Variants in MAP4K3 observed in about 807,000 individuals in gnomAD.
The protein encoded by MAP4K3 is MAPK/ERK kinase kinase kinase 3.
Under a neutral mutation model 143.5 loss-of-function variants are expected in MAP4K3, and 94 were observed. The observed-to-expected ratio is 0.65, with a 90% confidence interval of 0.55 to 0.78. MAP4K3 has a LOEUF of 0.78. MAP4K3 is among the 30% of genes least tolerant of loss of function. The pLI, the probability that MAP4K3 is intolerant of heterozygous loss-of-function variation, is 0.00. For synonymous variants in MAP4K3, 416 were observed against 347.2 expected, an observed-to-expected ratio of 1.20 and a Z score of -2.20; for missense variants, 1,077 against 1,068.1, an observed-to-expected ratio of 1.01 and a Z score of -0.12.
chr2:39,262,825 C>T (rs1680619634), intron 28 of MAP4K3, among the ~76,000 whole-genome samples: 1 of 152,134 alleles, frequency 6.6e-6, no homozygotes, highest in African/African-American at 2.4e-5. Context: ...GCAGTCCAGG[C>T]TGGGTGCGGT....
intron 2 of MAP4K3, among the ~76,000 whole-genome samples, chr2:39,358,325 G>C (rs1009854521): frequency 2.0e-5 from 3 of 152,108 alleles, no homozygotes; most frequent in Admixed American, 1.3e-4. Flanking sequence ...TGTACCCCTA[G>C]TACCAAAGAT....
chr2:39,366,162 G>C (rs1455244755), intron 2 of MAP4K3, among the ~76,000 whole-genome samples: 1 of 151,906 alleles, frequency 6.6e-6, no homozygotes, highest in Non-Finnish European at 1.5e-5. Flanking sequence ...AAGGTGGTCA[G>C]GGTACAGCCT....
intron 23 of MAP4K3, among the ~76,000 whole-genome samples, chr2:39,279,631 A>G (rs1681427979): frequency 6.6e-6 from 1 of 152,092 alleles, no homozygotes; most frequent in African/African-American, 2.4e-5. Context: ...CTTGGTAGCT[A>G]AATTCCTTCC....
intron 2 of MAP4K3, among the ~76,000 whole-genome samples, chr2:39,358,272 G>A (rs1573194252): frequency 6.6e-6 from 1 of 152,052 alleles, no homozygotes; most frequent in East Asian, 1.9e-4. Context: ...GCCTTCACTA[G>A]AATACAAAGT....
intron 28 of MAP4K3, among the ~76,000 whole-genome samples, chr2:39,264,082 G>C (rs903921233): frequency 6.6e-6 from 1 of 152,110 alleles, no homozygotes. Context: ...AAAATAGCCT[G>C]AAGAAAGAAA....
At position 39,347,547 on chromosome 2, in the gene MAP4K3, G is replaced by A. The variant is rs142224142; in HGVS notation, c.246-4095C>T. 6.4e-3 allele frequency among the ~76,000 whole-genome samples: 976 copies of A among 152,176 alleles called. 12 individuals carry two copies. Among genetic ancestry groups the A allele is most frequent in the African/African-American group, 0.022 (928 of 41,524 alleles). ...CTGGAATATAGCACAATAAATGTAA[G>A]TTGTTTTCTACTCCTTTTGTTATAA... On this transcript the variant is annotated intron_variant, in intron 3 of 33. Transcript: ENST00000263881.
intron 17 of MAP4K3, 131 bp downstream of exon 17, chr2:39,293,099 A>G (rs2148480811): frequency 1.3e-6 from 1 of 748,636 alleles, no homozygotes; most frequent in Non-Finnish European, 2.3e-6. Context: ...CCTGGGCAAC[A>G]GAGCGAGACC....
Position 39,286,808 on chromosome 2 carries a change from A to G in MAP4K3, c.1587+44T>C, listed in dbSNP as rs747406266. On this transcript the variant is annotated intron_variant, in intron 21 of 33. Transcript: ENST00000263881. ...AGCATAAAACTAACTTAACAGTTAAAAAGGAAACAAATACAAGTAGAACTT... is the reference window on the plus strand; with the variant it reads ...AGCATAAAACTAACTTAACAGTTAAGAAGGAAACAAATACAAGTAGAACTT... 16 of 1,307,608 alleles carry G rather than the reference A, an allele frequency of 1.2e-5. No homozygotes were observed. In the Middle Eastern group the frequency reaches 7.5e-4, roughly 62 times the overall value. The allele number at this position is 1,307,608 out of a possible 1,614,324, so 81.0% of individuals were successfully genotyped here.
At chr2:39,299,664 C>A in intron 16 of MAP4K3, 79 bp downstream of exon 16, 1 of 735,182 alleles carries the variant, frequency 1.4e-6, no homozygotes, top group East Asian at 3.0e-5. Context: ...AATTTTCTAC[C>A]TTAAATATTA....
chr2:39,347,579 T>C (rs1022887584), intron 3 of MAP4K3, among the ~76,000 whole-genome samples: 16 of 152,078 alleles, frequency 1.1e-4, no homozygotes, highest in African/African-American at 3.9e-4. Flanking sequence ...ATAATTTATA[T>C]TGTAGTGTAC....
At chr2:39,279,861 G>A (rs1681439567) in intron 23 of MAP4K3, among the ~76,000 whole-genome samples, 1 of 152,152 alleles carries the variant, frequency 6.6e-6, no homozygotes, top group African/African-American at 2.4e-5. Context: ...GCTGAGGCAG[G>A]GGGATTGCAT....
At chr2:39,406,992 T>A (rs1165267470) in intron 1 of MAP4K3, among the ~76,000 whole-genome samples, 1 of 152,216 alleles carries the variant, frequency 6.6e-6, no homozygotes, top group African/African-American at 2.4e-5. Flanking sequence ...CTTAAAATTT[T>A]AGCAAATCAA....
chr2:39,346,203 C>T (rs1665287545), intron 3 of MAP4K3, among the ~76,000 whole-genome samples: 1 of 152,122 alleles, frequency 6.6e-6, no homozygotes, highest in Admixed American at 6.5e-5. Context: ...ACCACTATCT[C>T]CTTTATTTGA....
chr2:39,337,480 CTTAGT>C, intron 5 of MAP4K3, 41 bp downstream of exon 5: 1 of 1,426,686 alleles, frequency 7.0e-7, no homozygotes, highest in Non-Finnish European at 9.9e-7. Flanking sequence ...TAAGTAAAGC[CTTAGT>C]TTAATGAAAA....
intron 1 of MAP4K3, among the ~76,000 whole-genome samples, chr2:39,420,280 T>G (rs1220689138): frequency 6.6e-6 from 1 of 152,272 alleles, no homozygotes; most frequent in Non-Finnish European, 1.5e-5. Flanking sequence ...CTTATAATAC[T>G]TAAAACTAAA....
intron 8 of MAP4K3, among the ~76,000 whole-genome samples, chr2:39,328,183 T>C (rs1170706376): frequency 6.6e-6 from 1 of 151,844 alleles, no homozygotes; most frequent in Non-Finnish European, 1.5e-5. Flanking sequence ...ATGCAAAAAT[T>C]AGCTGGGCAT....
intron 27 of MAP4K3, 121 bp downstream of exon 27, chr2:39,267,068 T>C (rs1213557025): frequency 3.5e-6 from 3 of 861,376 alleles, no homozygotes; most frequent in East Asian, 4.9e-5. Flanking sequence ...GCCAAGAAAT[T>C]TGTTCTACTT....
intron 28 of MAP4K3, 55 bp downstream of exon 28, chr2:39,265,148 G>T: frequency 8.7e-7 from 1 of 1,149,630 alleles, no homozygotes. Context: ...TTAAAGAACA[G>T]TAAGGTTGAC....
chr2:39,276,137 G>T (rs551214982), intron 24 of MAP4K3, among the ~76,000 whole-genome samples: 13 of 152,278 alleles, frequency 8.5e-5, no homozygotes, highest in African/African-American at 2.2e-4. Flanking sequence ...CTCCCAAAGT[G>T]CTGGGATTAC....
Sources: allele counts gnomAD v4.1 joint callset (sites outside exome capture counted in the v4.1 genomes callset), GRCh38; gene constraint gnomAD v4.1.1; transcripts MANE v1.5; gene names NCBI Gene and HGNC (gene_info 2026-07-23, HGNC 2026-07-21).